Variants in TIAM2 observed in about 807,000 individuals in gnomAD.
TIAM2 encodes rho guanine nucleotide exchange factor TIAM2.
TIAM2 carries 80 observed loss-of-function variants against 152.9 expected under a neutral mutation model. That is an observed-to-expected ratio of 0.52 (90% CI 0.44 to 0.63). The LOEUF is 0.63. TIAM2 is among the 30% of genes least tolerant of loss of function. The pLI is 0.00. For missense variants in TIAM2, 1,965 were observed against 2,120.1 expected (o/e 0.93, Z 1.44); for synonymous variants, 804 against 838.0 (o/e 0.96, Z 0.70).
intron 2 of TIAM2, among the ~76,000 whole-genome samples, chr6:155,104,058 C>A (rs61516396): frequency 0.3 from 17,923 of 60,204 alleles, 3,436 homozygotes; most frequent in African/African-American, 0.5. Context: ...CCCCACACCC[C>A]CACACACCCC....
At chr6:155,100,089 A>G (rs1193098368) in intron 2 of TIAM2, among the ~76,000 whole-genome samples, 1 of 150,782 alleles carries the variant, frequency 6.6e-6, no homozygotes, top group Non-Finnish European at 1.5e-5. Context: ...TGACTGTATT[A>G]AGTTTTTTAA....
Position 155,144,748 on chromosome 6 carries a change from C to T in TIAM2, c.1773C>T (p.Ser591=), listed in dbSNP as rs1264044715. 1 of 1,610,936 alleles carries T rather than the reference C, an allele frequency of 6.2e-7. No individual in the cohort carries two copies. ...HPKKENVFCL[S]NSFGDVYLFQ... is the part of the protein sequence containing the mutation. ...AGAAAGAAAATGTGTTCTGCCTCAG[C>T]AACTCCTTTGGAGATGTCTACCTTT... Residue 591 remains serine (S), a synonymous_variant, in exon 6 of 27, where the codon AGC becomes AGT. Transcript: ENST00000682666.
chr6:155,044,490 C>T (rs894975370), intron 1 of TIAM2, among the ~76,000 whole-genome samples: 12 of 151,112 alleles, frequency 7.9e-5, no homozygotes, highest in Admixed American at 2.6e-4. Context: ...TTTTTCTTCT[C>T]TTCCTATTAT....
At chr6:155,151,692 G>C (rs917638352) in intron 7 of TIAM2, among the ~76,000 whole-genome samples, 1 of 152,096 alleles carries the variant, frequency 6.6e-6, no homozygotes, top group African/African-American at 2.4e-5. Flanking sequence ...ACAGAGTGGG[G>C]CAAAAGGTGT....
chr6:155,241,072 C>T (rs74772052), intron 16 of TIAM2, among the ~76,000 whole-genome samples: 8 of 152,144 alleles, frequency 5.3e-5, no homozygotes, highest in Non-Finnish European at 1.0e-4. Flanking sequence ...TCTGTACATA[C>T]GTGACGGCTG....
intron 1 of TIAM2, among the ~76,000 whole-genome samples, chr6:154,999,818 A>G (rs1778283679): frequency 6.6e-6 from 1 of 152,024 alleles, no homozygotes; most frequent in Admixed American, 6.6e-5. Context: ...AGCTGGGATT[A>G]CAGGTACGTG....
intron 15 of TIAM2, among the ~76,000 whole-genome samples, chr6:155,233,918 G>A (rs1472874893): frequency 2.0e-5 from 3 of 151,000 alleles, no homozygotes; most frequent in East Asian, 1.9e-4. Flanking sequence ...AGCTATGATT[G>A]TACCACAGCA....
At chr6:155,237,618 G>A (rs1782835231) in intron 15 of TIAM2, among the ~76,000 whole-genome samples, 1 of 152,232 alleles carries the variant, frequency 6.6e-6, no homozygotes, top group African/African-American at 2.4e-5. Context: ...AATCTAGGTG[G>A]AGGTTCTGAA....
At chr6:155,140,094 G>C (rs760027911) in intron 5 of TIAM2, among the ~76,000 whole-genome samples, 2 of 152,234 alleles carry the variant, frequency 1.3e-5, no homozygotes, top group Non-Finnish European at 2.9e-5. Context: ...CCTCATTAGA[G>C]ATGTCATGTG....
chr6:155,106,147 G>A (rs189464702), intron 2 of TIAM2, among the ~76,000 whole-genome samples: 12 of 152,052 alleles, frequency 7.9e-5, no homozygotes, highest in Non-Finnish European at 1.2e-4. Flanking sequence ...TGGGATTACA[G>A]GCGTGTATCA....
At chr6:155,033,914 A>T (rs1157725906) in intron 1 of TIAM2, among the ~76,000 whole-genome samples, 1 of 151,878 alleles carries the variant, frequency 6.6e-6, no homozygotes, top group African/African-American at 2.4e-5. Context: ...ACGGGGTTTC[A>T]CTGTGTTAGC....
chr6:155,151,848 T>C (rs868493522), intron 7 of TIAM2, among the ~76,000 whole-genome samples: 41 of 105,458 alleles, frequency 3.9e-4, no homozygotes, highest in African/African-American at 1.2e-3. Context: ...TCTTTTTTTT[T>C]CTTTTTTTTT....
intron 1 of TIAM2, among the ~76,000 whole-genome samples, chr6:155,086,381 A>T (rs910828623): frequency 2.6e-5 from 4 of 152,200 alleles, no homozygotes; most frequent in Non-Finnish European, 5.9e-5. Context: ...TAAATATTCT[A>T]TAATCCTGCT....
chr6:155,106,007 A>G (rs1328639738), intron 2 of TIAM2, among the ~76,000 whole-genome samples: 2 of 150,172 alleles, frequency 1.3e-5, no homozygotes, highest in African/African-American at 4.9e-5. Flanking sequence ...ATTTTATTTT[A>G]TTTTATTTTA....
chr6:155,065,404 T>C (rs1777671489), intron 1 of TIAM2, among the ~76,000 whole-genome samples: 1 of 152,216 alleles, frequency 6.6e-6, no homozygotes, highest in African/African-American at 2.4e-5. Context: ...ATAACTGTTT[T>C]TCTTAATACA....
intron 15 of TIAM2, among the ~76,000 whole-genome samples, chr6:155,217,604 A>G (rs902679569): frequency 6.6e-6 from 1 of 152,314 alleles, no homozygotes; most frequent in South Asian, 2.1e-4. Context: ...AGAGTTTTTA[A>G]TTTAGTTATT....
chr6:155,014,340 A>G (rs1299867520), intron 1 of TIAM2, among the ~76,000 whole-genome samples: 1 of 152,218 alleles, frequency 6.6e-6, no homozygotes, highest in Non-Finnish European at 1.5e-5. Flanking sequence ...GGCATCAAAT[A>G]AATGTCTATA....
In TIAM2 at chr6:155,137,427, C is replaced by A; in HGVS notation, c.1445C>A (p.Thr482Asn). ...NTENIETSTE[T>N]AESSSESLSS... is the part of the protein sequence containing the mutation. The stretch of plus-strand genomic sequence containing the variant: ...GAGAACATAGAAACATCTACAGAAA[C>A]CGCCGAGTCCAGCAGCGAGTCACTC... Residue 482 changes from threonine to asparagine, a missense_variant, in exon 5 of 27, where the codon ACC (threonine) becomes AAC (asparagine). Thr to Asn is a moderately conservative substitution (Grantham distance 65). Around this residue, in one of 3 missense-constraint regions of TIAM2, gnomAD observed 1,025 missense variants for 1,119.4 expected, o/e 0.92. Transcript: ENST00000682666. 6.2e-7 allele frequency: 1 copy of A among 1,614,188 alleles called. No homozygotes were observed. Among genetic ancestry groups the A allele is most frequent in the Non-Finnish European group, 8.5e-7 (1 of 1,180,040 alleles).
intron 18 of TIAM2, 108 bp downstream of exon 18, chr6:155,244,891 C>G: frequency 1.5e-6 from 2 of 1,315,308 alleles, no homozygotes; most frequent in Non-Finnish European, 2.1e-6. Context: ...TGACTATTGA[C>G]TATTTATTGT....
Sources: gnomAD v4.1 joint callset for allele counts (sites outside exome capture counted in the v4.1 genomes callset) on GRCh38, gnomAD v4.1.1 for gene constraint, gnomAD v4.1.1 regional missense constraint, MANE v1.5 for transcripts, NCBI Gene and HGNC (gene_info 2026-07-23, HGNC 2026-07-21) for gene names.